ITFG2: variants seen among roughly 807,000 people sequenced by gnomAD.
ITFG2 encodes KICSTOR complex protein ITFG2.
A neutral mutation model predicts 54.4 loss-of-function variants in ITFG2; 36 were observed. That is an observed-to-expected ratio of 0.66 (90% CI 0.51 to 0.87). The LOEUF (loss-of-function observed/expected upper bound fraction) is 0.87, where lower values mean the gene tolerates loss of function less well. ITFG2 is among the 40% of genes least tolerant of loss of function. The pLI, the probability that ITFG2 is intolerant of heterozygous loss-of-function variation, is 0.00. For missense variants in ITFG2, 524 were observed against 576.7 expected (o/e 0.91, Z 0.94); for synonymous variants, 211 against 225.4 (o/e 0.94, Z 0.57).
rs2097928709 is a variant in ITFG2 at position 2,818,285 on chromosome 12, T to TG, written c.406+9dup. ...TGCTGATCAGCGACATCGGTGGGCA[T>TG]GCCTACCTTTGCAGGCAGCCAGGAG... On this transcript the variant is annotated intron_variant, in intron 4 of 11. Coordinates refer to ENST00000228799, the MANE Select transcript of ITFG2 (RefSeq NM_018463.4). 6.2e-7 allele frequency: 1 copy of TG among 1,611,160 alleles called. No homozygotes were observed.
At chr12:2,849,765 C>G (rs1446725517) in intron 2 of ITFG2, among the ~76,000 whole-genome samples, 1 of 152,172 alleles carries the variant, frequency 6.6e-6, no homozygotes, top group East Asian at 1.9e-4. Context: ...AGTAAGCCTT[C>G]CATCCTTTTG....
downstream of ITFG2, chr12:2,827,722 G>C (rs2097975710): frequency 6.2e-7 from 1 of 1,613,018 alleles, no homozygotes; most frequent in Non-Finnish European, 8.5e-7. This position sits in a 1 kb window ranked among gnomAD's most constrained non-coding sequence, Gnocchi z 4.0. Flanking sequence ...GGTTCCCAGT[G>C]GTCACTGCTG....
Position 2,823,840 on chromosome 12 carries a change from T to C in ITFG2, c.1137T>C (p.Tyr379=), listed in dbSNP as rs1324487315. 15 of 1,611,542 alleles carry C rather than the reference T, an allele frequency of 9.3e-6. No homozygotes were observed. Among genetic ancestry groups the C allele is most frequent in the Non-Finnish European group, 1.3e-5 (15 of 1,178,668 alleles). The change falls in exon 11 of 12, where the codon TAT becomes TAC. Residue 379 remains tyrosine, a synonymous_variant. Transcript: ENST00000228799. ...ATGTCACTTTCAACCAGAAGATCTA[T>C]GTGTACTGGGAGGTGCAGCTGGAGC... ...LVYVTFNQKI[Y]VYWEVQLERM... is the part of the protein sequence containing the mutation.
At chr12:2,853,606 TG>T (rs1164612957) in intron 2 of ITFG2, among the ~76,000 whole-genome samples, 8 of 147,120 alleles carry the variant, frequency 5.4e-5, no homozygotes, top group African/African-American at 2.0e-4. Flanking sequence ...TTTTTGTTTT[TG>T]TTTTTGTTTT....
At chr12:2,855,288 C>T in intron 2 of ITFG2, 1 of 1,521,504 alleles carries the variant, frequency 6.6e-7, no homozygotes, top group Non-Finnish European at 8.8e-7. Flanking sequence ...GCCGCTGACG[C>T]ACCTTGGACT....
chr12:2,858,539 AG>A (rs2098097086), intron 3 of ITFG2: 2 of 1,028,344 alleles, frequency 1.9e-6, no homozygotes, highest in South Asian at 3.2e-5. Context: ...GGAGCAGAAC[AG>A]TCCCTGCCTG....
At chr12:2,819,948 C>T (rs76011435) in intron 4 of ITFG2, 138 bp from the exon 5 acceptor site, 18,397 of 1,087,330 alleles carry the variant, frequency 0.017, 196 homozygotes, top group Non-Finnish European at 0.021. Flanking sequence ...CAGGCAGGGG[C>T]GGGGGCAGAC....
At chr12:2,857,446 A>C (rs909710428) in intron 2 of ITFG2, 18 of 236,414 alleles carry the variant, frequency 7.6e-5, no homozygotes, top group Non-Finnish European at 8.5e-5. Context: ...CAAAGGTCCC[A>C]AGGAACAAGG....
At chr12:2,858,496 A>G in intron 3 of ITFG2, 1 of 684,556 alleles carries the variant, frequency 1.5e-6, no homozygotes, top group Non-Finnish European at 2.4e-6. Flanking sequence ...TGTGACTGCT[A>G]CTTTTGCATA....
At chr12:2,819,962 G>C (rs2097937445) in intron 4 of ITFG2, 124 bp from the exon 5 acceptor site, 1 of 1,264,982 alleles carries the variant, frequency 7.9e-7, no homozygotes, top group East Asian at 2.6e-5. Context: ...GGCAGACTGA[G>C]GGTGAAGTGA....
chr12:2,856,183 T>C (rs1318277640), intron 2 of ITFG2, among the ~76,000 whole-genome samples: 1 of 152,174 alleles, frequency 6.6e-6, no homozygotes, highest in Non-Finnish European at 1.5e-5. Flanking sequence ...CAACACACAG[T>C]AAGGGTAGGT....
chr12:2,835,845 T>A (rs1210060276), upstream of ITFG2, among the ~76,000 whole-genome samples: 1 of 152,216 alleles, frequency 6.6e-6, no homozygotes, highest in Non-Finnish European at 1.5e-5. Context: ...ACATATGCAT[T>A]CTAAGCAATA....
intron 3 of ITFG2, chr12:2,859,277 C>T (rs556861533): frequency 2.5e-6 from 4 of 1,613,664 alleles, no homozygotes; most frequent in Non-Finnish European, 2.5e-6. Flanking sequence ...CACAGGGAGG[C>T]AGTAGATGCT....
At chr12:2,827,672 C>G (rs376228514), downstream of ITFG2, 76 of 1,614,026 alleles carry the variant, frequency 4.7e-5, no homozygotes, top group Non-Finnish European at 6.2e-5. The surrounding 1 kb of genome is among the most constrained non-coding windows in gnomAD (Gnocchi z 4.0). Context: ...TCAGGACTCT[C>G]AGCATCTATA....
At chr12:2,850,938 C>T (rs761443294) in intron 2 of ITFG2, among the ~76,000 whole-genome samples, 9 of 149,140 alleles carry the variant, frequency 6.0e-5, no homozygotes, top group Non-Finnish European at 1.3e-4. Context: ...TCCCAAAGTG[C>T]TGAGATTACA....
downstream of ITFG2, chr12:2,827,986 C>T (rs1202611325): frequency 6.2e-7 from 1 of 1,614,238 alleles, no homozygotes. The surrounding 1 kb of genome is among the most constrained non-coding windows in gnomAD (Gnocchi z 4.0). Context: ...AACTGCTCCA[C>T]CTGGGTTGGG....
chr12:2,821,040 A>G (rs562755723), intron 6 of ITFG2, among the ~76,000 whole-genome samples, 168 bp downstream of exon 6: 1 of 152,306 alleles, frequency 6.6e-6, no homozygotes, highest in East Asian at 1.9e-4. Flanking sequence ...GACCAAGGGA[A>G]TCCTGGGCTC....
chr12:2,814,266 A>T lies in ITFG2; in HGVS notation c.96+1410A>T, dbSNP rs115493539. 6.2e-3 allele frequency among the ~76,000 whole-genome samples: 940 copies of T among 152,342 alleles called. 9 individuals carry two copies. Among genetic ancestry groups the T allele is most frequent in the African/African-American group, 0.02 (844 of 41,576 alleles). On this transcript the variant is annotated intron_variant, in intron 1 of 11. Transcript: ENST00000228799. ...GGCCATACTTTTAAACAGTAAATTGACAAAGCACCTTCAGATATACATTAT... is the reference window on the plus strand; with the variant it reads ...GGCCATACTTTTAAACAGTAAATTGTCAAAGCACCTTCAGATATACATTAT...
chr12:2,853,607 G>T lies in ITFG2; in HGVS notation n.301-4405G>T, dbSNP rs1281843911. Among the ~76,000 whole-genome samples, 73 of 145,516 alleles carry T rather than the reference G, an allele frequency of 5.0e-4. 1 individual carries two copies. The highest frequency in any genetic ancestry group is 1.9e-3 in the African/African-American group (73 of 38,880). On this transcript the variant is annotated intron_variant and non_coding_transcript_variant, in intron 2 of 3. Coordinates refer to the ITFG2 transcript ENST00000537710. ...TGTTGTTGTTGTTGTTTTTGTTTTT[G>T]TTTTTGTTTTTTTTTCAGATTAAAA...
Sources: allele counts gnomAD v4.1 joint callset (sites outside exome capture counted in the v4.1 genomes callset), GRCh38; gene constraint gnomAD v4.1.1; non-coding constraint Gnocchi (gnomAD v3.1); transcripts MANE v1.5; gene names NCBI Gene and HGNC (gene_info 2026-07-23, HGNC 2026-07-21).